Variants in RHBDL3 observed in about 807,000 individuals in gnomAD.
The protein encoded by RHBDL3 is rhomboid-related protein 3.
RHBDL3 carries 28 observed loss-of-function variants against 48.2 expected under a neutral mutation model. The ratio of observed to expected loss-of-function variants is 0.58; its 90% CI spans 0.43 to 0.80. The LOEUF (loss-of-function observed/expected upper bound fraction) is 0.80. Ranked by LOEUF, RHBDL3 falls within the 30% of genes least tolerant of loss-of-function variation. RHBDL3 has a pLI of 0.00. For missense variants in RHBDL3, 464 were observed against 542.7 expected, an observed-to-expected ratio of 0.85 and a Z score of 1.44; for synonymous variants, 208 against 232.3, an observed-to-expected ratio of 0.90 and a Z score of 0.95.
intron 2 of RHBDL3, among the ~76,000 whole-genome samples, chr17:32,270,754 G>A (rs927996782): frequency 1.3e-5 from 2 of 152,150 alleles, no homozygotes; most frequent in African/African-American, 4.8e-5. Flanking sequence ...AACTCGGTAT[G>A]TTCCATGTGT....
intron 1 of RHBDL3, among the ~76,000 whole-genome samples, chr17:32,266,641 C>T (rs1446946277): frequency 6.6e-6 from 1 of 152,370 alleles, no homozygotes; most frequent in African/African-American, 2.4e-5. Context: ...GGTGACTCCC[C>T]CTCCCCTCAC....
At chr17:32,285,755 T>G (rs1463734162) in intron 3 of RHBDL3, among the ~76,000 whole-genome samples, 2 of 152,118 alleles carry the variant, frequency 1.3e-5, no homozygotes, top group Non-Finnish European at 2.9e-5. Flanking sequence ...ATGTCACCCA[T>G]GGAGGGAGCG....
intron 2 of RHBDL3, among the ~76,000 whole-genome samples, chr17:32,274,919 G>C (rs554754614): frequency 3.9e-5 from 6 of 152,212 alleles, no homozygotes; most frequent in South Asian, 4.1e-4. Flanking sequence ...TCCCCACAAG[G>C]CTTCTGGGTA....
chr17:32,321,098 G>A lies in RHBDL3; in HGVS notation c.1084G>A (p.Glu362Lys), dbSNP rs199506478. ...TLGVVVLRNY[E>K]QRLQDQSLWW... ...GGGCGTGGTGGTCCTGAGGAACTAC[G>A]AGCAGAGGCTCCAGGACCAGTCACT... Residue 362 changes from glutamate (E) to lysine (K), a missense_variant, in exon 9 of 9, where the codon GAG (glutamate) becomes AAG (lysine). Transcript: ENST00000269051. 12 of 1,614,250 alleles carry A rather than the reference G, an allele frequency of 7.4e-6. No homozygotes were observed. Among genetic ancestry groups the A allele is most frequent in the African/African-American group, 4.0e-5 (3 of 75,080 alleles).
At chr17:32,309,570 G>C (rs1260031437) in intron 7 of RHBDL3, among the ~76,000 whole-genome samples, 1 of 151,876 alleles carries the variant, frequency 6.6e-6, no homozygotes, top group African/African-American at 2.4e-5. Context: ...AAAAGAAAAA[G>C]CATGGACTTG....
At position 32,284,540 on chromosome 17, in the gene RHBDL3, G is replaced by A. The variant is rs1371339518; in HGVS notation, c.136-119G>A. The A allele has an allele frequency of 1.4e-5, 12 of 876,454 alleles. No individual in the cohort carries two copies. The South Asian group carries it at 1.9e-4, about 14-fold the overall frequency. 54.3% of individuals were successfully genotyped at this position (876,454 alleles called of 1,614,324 possible). A position where few individuals can be genotyped will look rare whatever the true frequency, so the allele number is the denominator to read the frequency against. On this transcript the variant is annotated intron_variant, in intron 2 of 8. Coordinates refer to ENST00000269051, the MANE Select transcript of RHBDL3 (RefSeq NM_138328.3). ...TCCTTGGAAATCTCCCAGACACTGAGCCTCTGCCAGGGGCTGGGGACTAAA... is the reference window on the plus strand; with the variant it reads ...TCCTTGGAAATCTCCCAGACACTGAACCTCTGCCAGGGGCTGGGGACTAAA...
chr17:32,309,321 G>C (rs2040785233), intron 7 of RHBDL3, among the ~76,000 whole-genome samples: 1 of 151,962 alleles, frequency 6.6e-6, no homozygotes, highest in African/African-American at 2.4e-5. Flanking sequence ...GGGAGGGCGA[G>C]GCAGGCGGAT....
At chr17:32,291,003 G>GAAA (rs35673676) in intron 4 of RHBDL3, among the ~76,000 whole-genome samples, 20 of 102,896 alleles carry the variant, frequency 1.9e-4, no homozygotes, top group African/African-American at 3.4e-4. Flanking sequence ...CCTGTCTCAA[G>GAAA]AAAAAAAAAA....
chr17:32,288,146 C>A (rs543637451), intron 3 of RHBDL3: 3 of 152,448 alleles, frequency 2.0e-5, no homozygotes, highest in African/African-American at 7.2e-5. Flanking sequence ...TAACCAAGGG[C>A]TGCCTGCCTC....
chr17:32,277,326 CACAT>C (rs2039936553), intron 2 of RHBDL3, among the ~76,000 whole-genome samples: 1 of 152,238 alleles, frequency 6.6e-6, no homozygotes, highest in African/African-American at 2.4e-5. Flanking sequence ...GTGAAAATCA[CACAT>C]ACATCATAGA....
chr17:32,319,123 TAA>T (rs34447899), intron 8 of RHBDL3, among the ~76,000 whole-genome samples: 2 of 143,238 alleles, frequency 1.4e-5, no homozygotes, highest in Non-Finnish European at 1.5e-5. Context: ...TCTTGTTGTT[TAA>T]AAAAAAAAAA....
chr17:32,274,346 A>G lies in RHBDL3; in HGVS notation c.135+6421A>G, dbSNP rs1222239876. On this transcript the variant is annotated intron_variant, in intron 2 of 8. Coordinates refer to ENST00000269051, the MANE Select transcript of RHBDL3 (RefSeq NM_138328.3). ...GACACTGGGGCCATTGTCTTGTGCTAGAGAAACCAGTCCGTGTGTGGCTTA... is the reference window on the plus strand; with the variant it reads ...GACACTGGGGCCATTGTCTTGTGCTGGAGAAACCAGTCCGTGTGTGGCTTA... Among the ~76,000 whole-genome samples, 6 of 152,204 alleles carry G rather than the reference A, an allele frequency of 3.9e-5. No homozygotes were observed. In the South Asian group the frequency reaches 1.0e-3, roughly 26 times the overall value.
chr17:32,278,321 G>A (rs1482504343), intron 2 of RHBDL3, among the ~76,000 whole-genome samples: 1 of 152,040 alleles, frequency 6.6e-6, no homozygotes, highest in Non-Finnish European at 1.5e-5. Flanking sequence ...AAACTCAGGG[G>A]CTATGTTTCA....
intron 7 of RHBDL3, among the ~76,000 whole-genome samples, chr17:32,310,819 G>A (rs2150748533): frequency 6.7e-6 from 1 of 149,548 alleles, no homozygotes; most frequent in East Asian, 2.0e-4. Flanking sequence ...GGGAGGCAGA[G>A]CTTGCAGTGA....
chr17:32,272,738 C>T (rs958201450), intron 2 of RHBDL3, among the ~76,000 whole-genome samples: 3 of 152,182 alleles, frequency 2.0e-5, no homozygotes, highest in East Asian at 1.9e-4. Flanking sequence ...GCAACAGGGC[C>T]GAGGGATCCG....
rs1240517726 is a variant in RHBDL3 at position 32,266,300 on chromosome 17, C to T, written c.111C>T (p.Asp37=). Residue 37 remains aspartate, a splice_region_variant and synonymous_variant, in exon 1 of 9, where the codon GAC becomes GAT. Coordinates refer to ENST00000269051, the MANE Select transcript of RHBDL3 (RefSeq NM_138328.3). ...AEERLPAAPE[D]HWKVLFDQFD... ...AGCGGCTGCCCGCGGCGCCGGAGGA[C>T]GTGAGTGCCCCCTCCCCGCCCGGCA... 1 of 1,444,012 alleles carries T rather than the reference C, an allele frequency of 6.9e-7. No homozygotes were observed. Among genetic ancestry groups the T allele is most frequent in the Non-Finnish European group, 9.1e-7 (1 of 1,096,126 alleles). 89.4% of individuals were successfully genotyped at this position (1,444,012 alleles called of 1,614,324 possible).
chr17:32,283,786 G>T (rs939105626), intron 2 of RHBDL3, among the ~76,000 whole-genome samples: 1 of 152,140 alleles, frequency 6.6e-6, no homozygotes, highest in Non-Finnish European at 1.5e-5. Flanking sequence ...ATACCGACCC[G>T]CGAGGCGCCG....
At chr17:32,279,266 C>T (rs1240262456) in intron 2 of RHBDL3, among the ~76,000 whole-genome samples, 1 of 152,166 alleles carries the variant, frequency 6.6e-6, no homozygotes, top group African/African-American at 2.4e-5. Flanking sequence ...CCACACATAT[C>T]AGCCCTTATC....
intron 2 of RHBDL3, among the ~76,000 whole-genome samples, chr17:32,281,697 A>T (rs2040053892): frequency 6.6e-6 from 1 of 152,156 alleles, no homozygotes; most frequent in African/African-American, 2.4e-5. Context: ...TTCCCTCTCC[A>T]GGGTCCATTT....
Sources: allele counts gnomAD v4.1 joint callset (sites outside exome capture counted in the v4.1 genomes callset), GRCh38; gene constraint gnomAD v4.1.1; transcripts MANE v1.5; gene names NCBI Gene and HGNC (gene_info 2026-07-23, HGNC 2026-07-21).